IL1RAPL2: variants seen among roughly 807,000 people sequenced by gnomAD.
The protein encoded by IL1RAPL2 is interleukin 1 receptor accessory protein like 2.
Under a neutral mutation model 44.1 loss-of-function variants are expected in IL1RAPL2, and 3 were observed. That is an observed-to-expected ratio of 0.07 (90% CI 0.03 to 0.18). The LOEUF (loss-of-function observed/expected upper bound fraction) is 0.18, where lower values mean the gene tolerates loss of function less well. Among genes scored for constraint, IL1RAPL2 ranks in the 10% least tolerant of loss-of-function variants. The probability of loss-of-function intolerance (pLI) is 1.00; values close to 1 mark genes in which losing one functional copy is unlikely to be tolerated. For missense variants in IL1RAPL2, 391 were observed against 496.4 expected, an observed-to-expected ratio of 0.79 and a Z score of 2.02; for synonymous variants, 181 against 178.8, an observed-to-expected ratio of 1.01 and a Z score of -0.10.
In IL1RAPL2 at chrX:104,946,131, G is replaced by A. The variant is rs907549742; in HGVS notation, c.83-249344G>A. On this transcript the variant is annotated intron_variant, in intron 2 of 10. Transcript: ENST00000372582. ...GTAAAAACTTTTTTCCCAGCACTTTGGGAGGCCGAGGCGGGTGGATCATGA... is the reference window on the plus strand; with the variant it reads ...GTAAAAACTTTTTTCCCAGCACTTTAGGAGGCCGAGGCGGGTGGATCATGA... 9.4e-5 allele frequency among the ~76,000 whole-genome samples: 10 copies of A among 106,027 alleles called. No individual in the cohort carries two copies. The East Asian group carries it at 2.4e-3, about 25-fold the overall frequency. 92.1% of individuals were successfully genotyped at this position (106,027 alleles called of 115,157 possible).
rs1195488039 is a variant in IL1RAPL2 at position 105,020,395 on chromosome X, C to T, written c.83-175080C>T. The stretch of plus-strand genomic sequence containing the variant: ...TAAGTTTTAAAGGAAATAGTGCAGT[C>T]AAGCATTTAGCAGCTTCTGCTGCTG... On this transcript the variant is annotated intron_variant, in intron 2 of 10. Coordinates refer to ENST00000372582, the MANE Select transcript of IL1RAPL2 (RefSeq NM_017416.2). Among the ~76,000 whole-genome samples, 2 of 111,824 alleles carry T rather than the reference C, an allele frequency of 1.8e-5. 1 individual carries two copies. The highest frequency in any genetic ancestry group is 7.3e-4 in the South Asian group (2 of 2,743).
chrX:104,770,971 G>A (rs1032217404), intron 2 of IL1RAPL2, among the ~76,000 whole-genome samples: 14 of 111,331 alleles, frequency 1.3e-4, no homozygotes, highest in African/African-American at 4.6e-4. Flanking sequence ...CTTCTAAAAT[G>A]CCCAGATAAC....
intron 2 of IL1RAPL2, among the ~76,000 whole-genome samples, chrX:105,059,397 CTT>C (rs759380472): frequency 3.6e-4 from 40 of 112,336 alleles, no homozygotes; most frequent in African/African-American, 1.3e-3. Flanking sequence ...CTGTGTCTCA[CTT>C]ATTTCACTTA....
At chrX:105,111,037 G>GT (rs1569384589) in intron 2 of IL1RAPL2, among the ~76,000 whole-genome samples, 1 of 111,434 alleles carries the variant, frequency 9.0e-6, no homozygotes, top group East Asian at 2.8e-4. Context: ...TTTCCTACAG[G>GT]TTTTTTACTA....
chrX:105,103,899 AAG>A (rs769424904), intron 2 of IL1RAPL2, among the ~76,000 whole-genome samples: 5 of 111,963 alleles, frequency 4.5e-5, no homozygotes, highest in Admixed American at 9.5e-5. Context: ...CCCATAATAA[AAG>A]AGAAACAATG....
intron 2 of IL1RAPL2, among the ~76,000 whole-genome samples, chrX:104,709,503 T>A (rs1346391794): frequency 9.1e-6 from 1 of 110,301 alleles, no homozygotes; most frequent in Non-Finnish European, 1.9e-5. Context: ...GCACTTTGTC[T>A]TCTCCGCCAT....
intron 1 of IL1RAPL2, among the ~76,000 whole-genome samples, chrX:104,569,808 G>C (rs1928110954): frequency 8.9e-6 from 1 of 112,392 alleles, no homozygotes; most frequent in Non-Finnish European, 1.9e-5. Context: ...GTATACTTTG[G>C]TAAAACAGAA....
intron 5 of IL1RAPL2, among the ~76,000 whole-genome samples, chrX:105,321,489 G>A (rs1002905235): frequency 2.7e-5 from 3 of 112,295 alleles, no homozygotes; most frequent in African/African-American, 9.7e-5. Flanking sequence ...TATTAGAAAT[G>A]TCAAGACAGC....
At chrX:104,779,720 A>T (rs145333753) in intron 2 of IL1RAPL2, among the ~76,000 whole-genome samples, 2,932 of 111,595 alleles carry the variant, frequency 0.026, 91 homozygotes, top group African/African-American at 0.092. Context: ...TAATACAGGA[A>T]AAATTAGGGA....
At chrX:105,660,743 G>C (rs981365011) in intron 6 of IL1RAPL2, among the ~76,000 whole-genome samples, 3 of 110,587 alleles carry the variant, frequency 2.7e-5, no homozygotes, top group Non-Finnish European at 5.7e-5. Flanking sequence ...TATCATTTGT[G>C]AGACTCATGG....
intron 6 of IL1RAPL2, among the ~76,000 whole-genome samples, chrX:105,600,062 T>C (rs1287408932): frequency 2.7e-5 from 3 of 111,437 alleles, no homozygotes; most frequent in African/African-American, 9.8e-5. Context: ...TTTCTTTTTT[T>C]ATGAAACTGG....
chrX:105,566,198 AAGAG>A (rs987624525), intron 6 of IL1RAPL2, among the ~76,000 whole-genome samples: 2 of 111,171 alleles, frequency 1.8e-5, no homozygotes, highest in South Asian at 7.6e-4. Context: ...AACCCAGGAA[AAGAG>A]AGAGAGAGAA....
intron 5 of IL1RAPL2, among the ~76,000 whole-genome samples, chrX:105,380,591 T>C (rs1373920372): frequency 8.9e-6 from 1 of 111,868 alleles, no homozygotes; most frequent in Non-Finnish European, 1.9e-5. Flanking sequence ...CTCTGTTCCA[T>C]AGCTCTCTCT....
At chrX:104,915,889 C>T (rs1452330694) in intron 2 of IL1RAPL2, among the ~76,000 whole-genome samples, 5 of 111,477 alleles carry the variant, frequency 4.5e-5, no homozygotes, top group South Asian at 3.7e-4. Flanking sequence ...AGATATGTGG[C>T]ATTATTTCTG....
At chrX:105,174,032 C>T (rs753367838) in intron 2 of IL1RAPL2, among the ~76,000 whole-genome samples, 2 of 111,500 alleles carry the variant, frequency 1.8e-5, no homozygotes, top group African/African-American at 6.5e-5. Context: ...TGCACCCAGC[C>T]TCTAACTGCT....
At chrX:104,616,092 G>A (rs1830594) in intron 1 of IL1RAPL2, among the ~76,000 whole-genome samples, 3,158 of 112,006 alleles carry the variant, frequency 0.028, 130 homozygotes, top group African/African-American at 0.097. Context: ...AAAAAAATTT[G>A]TTTAAGTTCC....
intron 2 of IL1RAPL2, among the ~76,000 whole-genome samples, chrX:105,020,167 G>C (rs73518204): frequency 5.8e-5 from 6 of 103,533 alleles, no homozygotes; most frequent in South Asian, 3.9e-4. Context: ...AGAGATTGGT[G>C]GGGGGGAGGG....
intron 5 of IL1RAPL2, among the ~76,000 whole-genome samples, chrX:105,268,955 TA>T (rs2034426944): frequency 1.8e-5 from 2 of 110,515 alleles, no homozygotes; most frequent in African/African-American, 6.6e-5. Flanking sequence ...TATAAACAAT[TA>T]AAAAAGTATG....
At chrX:105,499,600 T>G (rs182783419) in intron 6 of IL1RAPL2, among the ~76,000 whole-genome samples, 75 of 112,099 alleles carry the variant, frequency 6.7e-4, no homozygotes, top group Non-Finnish European at 1.2e-3. Flanking sequence ...CATAGACATT[T>G]CTCAAAGAAG....
Sources: gnomAD v4.1 joint callset for allele counts (sites outside exome capture counted in the v4.1 genomes callset) on GRCh38, gnomAD v4.1.1 for gene constraint, MANE v1.5 for transcripts, NCBI Gene and HGNC (gene_info 2026-07-23, HGNC 2026-07-21) for gene names.